Variants in ZFPM2 observed in about 807,000 individuals in gnomAD.
The protein encoded by ZFPM2 is zinc finger protein ZFPM2.
Under a neutral mutation model 98.6 loss-of-function variants are expected in ZFPM2, and 20 were observed. The ratio of observed to expected loss-of-function variants is 0.20; its 90% CI spans 0.14 to 0.29. ZFPM2 has a LOEUF of 0.29. Among genes scored for constraint, ZFPM2 ranks in the 10% least tolerant of loss-of-function variants. The pLI, the probability that ZFPM2 is intolerant of heterozygous loss-of-function variation, is 1.00. For synonymous variants in ZFPM2, 518 were observed against 502.7 expected (o/e 1.03, Z -0.41); for missense variants, 1,310 against 1,388.6 (o/e 0.94, Z 0.90).
intron 5 of ZFPM2, among the ~76,000 whole-genome samples, chr8:105,636,875 G>A (rs1205637747): frequency 3.9e-5 from 6 of 152,242 alleles, no homozygotes; most frequent in South Asian, 4.1e-4. Context: ...TAACTACTGC[G>A]TATGCTTTTT....
chr8:105,466,859 A>C (rs896166728), intron 3 of ZFPM2, among the ~76,000 whole-genome samples: 1 of 152,046 alleles, frequency 6.6e-6, no homozygotes, highest in Non-Finnish European at 1.5e-5. Flanking sequence ...CCAAACAAAA[A>C]TTCTGATATT....
chr8:105,599,017 G>T (rs1364156974), intron 4 of ZFPM2, among the ~76,000 whole-genome samples: 1 of 152,070 alleles, frequency 6.6e-6, no homozygotes, highest in Non-Finnish European at 1.5e-5. Flanking sequence ...ACACTAGCTA[G>T]CATGGCTATG....
intron 5 of ZFPM2, among the ~76,000 whole-genome samples, chr8:105,683,635 G>A (rs1273723679): frequency 2.0e-5 from 3 of 151,842 alleles, no homozygotes; most frequent in Non-Finnish European, 4.4e-5. Flanking sequence ...TTATGTCCAC[G>A]CTAACCAAAA....
At chr8:105,686,526 A>G (rs1481035271) in intron 5 of ZFPM2, among the ~76,000 whole-genome samples, 3 of 152,192 alleles carry the variant, frequency 2.0e-5, no homozygotes, top group East Asian at 3.9e-4. Context: ...CGAGTTGACA[A>G]CACATGTTTG....
At chr8:105,550,646 T>C (rs1814829906) in intron 3 of ZFPM2, among the ~76,000 whole-genome samples, 2 of 151,878 alleles carry the variant, frequency 1.3e-5, no homozygotes, top group African/African-American at 2.4e-5. Flanking sequence ...TGTATTAGAG[T>C]AAAAAATCAC....
chr8:105,533,634 C>T (rs1814344905), intron 3 of ZFPM2, among the ~76,000 whole-genome samples: 1 of 151,478 alleles, frequency 6.6e-6, no homozygotes, highest in Non-Finnish European at 1.5e-5. Context: ...ACTCCTTAGG[C>T]CCTTTCCCTC....
At chr8:105,583,879 A>T (rs1586479336) in intron 4 of ZFPM2, among the ~76,000 whole-genome samples, 1 of 152,330 alleles carries the variant, frequency 6.6e-6, no homozygotes, top group East Asian at 1.9e-4. Context: ...CATTTTAGTA[A>T]AGACATCATG....
Position 105,798,945 on chromosome 8 carries a change from A to C in ZFPM2, c.961A>C (p.Ser321Arg). 6.2e-7 allele frequency: 1 copy of C among 1,613,182 alleles called. No homozygotes were observed. Among genetic ancestry groups the C allele is most frequent in the Non-Finnish European group, 8.5e-7 (1 of 1,179,204 alleles). ...TCTAGAAATGCACCTGAATTCACAC[A>C]GTGGTAAATGCCCCTTTTGTTTCTT... ...RALEMHLNSH[S>R]GVKMEEFLPP... The change falls in exon 7 of 8, where the codon AGT becomes CGT. Residue 321 changes from serine (S) to arginine (R), a missense_variant. By Grantham distance (110) the Ser-to-Arg change is moderately radical. Transcript: ENST00000407775.
intron 5 of ZFPM2, among the ~76,000 whole-genome samples, chr8:105,749,534 C>T (rs959483842): frequency 6.6e-6 from 1 of 152,040 alleles, no homozygotes; most frequent in East Asian, 1.9e-4. Context: ...TTGCAGGACA[C>T]TTTCATGGTA....
chr8:105,626,401 G>A (rs1226494445), intron 4 of ZFPM2, among the ~76,000 whole-genome samples: 1 of 152,200 alleles, frequency 6.6e-6, no homozygotes, highest in Admixed American at 6.5e-5. Flanking sequence ...TTTCCTGACT[G>A]TCAGATTGAA....
chr8:105,568,488 C>T (rs1231888199), intron 4 of ZFPM2, among the ~76,000 whole-genome samples: 2 of 152,096 alleles, frequency 1.3e-5, no homozygotes, highest in African/African-American at 4.8e-5. Flanking sequence ...TAACTACTAC[C>T]ATCTCTTTTT....
At chr8:105,394,557 T>C (rs1487618560) in intron 1 of ZFPM2, among the ~76,000 whole-genome samples, 1 of 152,146 alleles carries the variant, frequency 6.6e-6, no homozygotes, top group Non-Finnish European at 1.5e-5. Flanking sequence ...TGAGTAGGTA[T>C]AATGTATCAA....
chr8:105,465,902 T>C (rs1368289746), intron 3 of ZFPM2, among the ~76,000 whole-genome samples: 1 of 152,026 alleles, frequency 6.6e-6, no homozygotes, highest in Non-Finnish European at 1.5e-5. Context: ...AGGGAAAATT[T>C]GGATAGACAA....
At chr8:105,378,628 G>T (rs1248193465) in intron 1 of ZFPM2, among the ~76,000 whole-genome samples, 1 of 152,136 alleles carries the variant, frequency 6.6e-6, no homozygotes, top group Non-Finnish European at 1.5e-5. Context: ...TAGATTATGT[G>T]AGTATATGTA....
At chr8:105,795,815 C>T (rs1236357776) in intron 6 of ZFPM2, 3 of 488,486 alleles carry the variant, frequency 6.1e-6, no homozygotes, top group Non-Finnish European at 1.2e-5. Context: ...GTGTTCTAGC[C>T]ATATCTGATT....
intron 4 of ZFPM2, among the ~76,000 whole-genome samples, chr8:105,605,261 T>C (rs1816173738): frequency 6.6e-6 from 1 of 152,134 alleles, no homozygotes; most frequent in South Asian, 2.1e-4. Flanking sequence ...GATTAGTCAA[T>C]ACAATTCTGA....
intron 6 of ZFPM2, 21 bp downstream of exon 6, chr8:105,788,945 A>G: frequency 1.3e-6 from 2 of 1,588,888 alleles, no homozygotes; most frequent in Non-Finnish European, 1.7e-6. Flanking sequence ...AGTGCTGTGT[A>G]GCCCAGCTTT....
chr8:105,447,495 C>T (rs1206871644), intron 3 of ZFPM2, among the ~76,000 whole-genome samples: 1 of 151,998 alleles, frequency 6.6e-6, no homozygotes, highest in Admixed American at 6.6e-5. Context: ...GTTTCTAATG[C>T]CCACTAGTAT....
intron 5 of ZFPM2, among the ~76,000 whole-genome samples, chr8:105,685,262 T>G (rs1463417050): frequency 6.6e-6 from 1 of 152,066 alleles, no homozygotes; most frequent in African/African-American, 2.4e-5. Flanking sequence ...TAATTTAAAT[T>G]GAATTAGCCA....
Sources: gnomAD v4.1 joint callset for allele counts (sites outside exome capture counted in the v4.1 genomes callset) on GRCh38, gnomAD v4.1.1 for gene constraint, MANE v1.5 for transcripts, NCBI Gene and HGNC (gene_info 2026-07-23, HGNC 2026-07-21) for gene names.